Variants in PCDHA8 observed in about 807,000 individuals in gnomAD.
PCDHA8 encodes protocadherin alpha-8.
PCDHA8 carries 53 observed loss-of-function variants against 61.8 expected under a neutral mutation model. The observed-to-expected ratio is 0.86, with a 90% CI of 0.69 to 1.08. The LOEUF is 1.08. Ranked by LOEUF, PCDHA8 falls within the 50% of genes least tolerant of loss-of-function variation. PCDHA8 has a pLI of 0.00. For synonymous variants in PCDHA8, 618 were observed against 556.6 expected (o/e 1.11, Z -1.55); for missense variants, 1,293 against 1,245.0 (o/e 1.04, Z -0.58).
chr5:140,966,402 G>A (rs1554228257), intron 1 of PCDHA8: 4 of 404,514 alleles, frequency 9.9e-6, no homozygotes, highest in African/African-American at 8.2e-5. Context: ...ACTTCGGCGC[G>A]GAATCAGAGC....
At chr5:140,970,327 A>AGCATG (rs2096397524) in intron 1 of PCDHA8, among the ~76,000 whole-genome samples, 1 of 152,204 alleles carries the variant, frequency 6.6e-6, no homozygotes, top group African/African-American at 2.4e-5. Context: ...GTACTTCCAA[A>AGCATG]GCATGCATTC....
chr5:140,889,400 A>T (rs187751360), intron 1 of PCDHA8, among the ~76,000 whole-genome samples: 1 of 152,050 alleles, frequency 6.6e-6, no homozygotes, highest in Admixed American at 6.5e-5. Context: ...AGTTTAATTT[A>T]CTCGAGTCAG....
Position 140,927,111 on chromosome 5 carries a change from C to T in PCDHA8, c.2395-51838C>T. Reference sequence around the variant, plus strand: ...ACTTCGGGGTGGATCTACCCAGCGGCAATTTGGTGGTCAGAGAGCCGGCGG... The same window carrying T: ...ACTTCGGGGTGGATCTACCCAGCGGTAATTTGGTGGTCAGAGAGCCGGCGG... On this transcript the variant is annotated intron_variant, in intron 1 of 3. Transcript: ENST00000531613. The T allele has an allele frequency of 3.7e-6, 6 of 1,613,856 alleles. No individual in the cohort carries two copies. In the Middle Eastern group the frequency reaches 8.3e-4, roughly 222 times the overall value.
At chr5:140,939,537 C>T (rs2092406859) in intron 1 of PCDHA8, among the ~76,000 whole-genome samples, 1 of 150,686 alleles carries the variant, frequency 6.6e-6, no homozygotes, top group Non-Finnish European at 1.5e-5. Context: ...TATACAGAGC[C>T]TCTATTTCTT....
chr5:140,859,774 G>C (rs1214476805), intron 1 of PCDHA8: 1 of 152,534 alleles, frequency 6.6e-6, no homozygotes, highest in Non-Finnish European at 1.5e-5. Flanking sequence ...TCCATGCCCT[G>C]TCTCCAGCTC....
At chr5:140,875,878 A>C (rs782804026) in intron 1 of PCDHA8, 2 of 1,614,212 alleles carry the variant, frequency 1.2e-6, no homozygotes, top group East Asian at 4.5e-5. Context: ...GTTCAGAGAA[A>C]GGGAACAAAA....
chr5:140,843,478 T>C lies in PCDHA8; in HGVS notation c.2157T>C (p.Thr719=). ...SLLVLTLLLY[T]ALRCSALPTE... is the part of the protein sequence containing the mutation. ...TGGTGCTCACGCTGCTGCTGTACAC[T>C]GCGCTGCGGTGCTCAGCACTGCCCA... Residue 719 remains threonine, a synonymous_variant, in exon 1 of 4, where the codon ACT becomes ACC. Transcript: ENST00000531613. The C allele has an allele frequency of 6.3e-7, 1 of 1,595,862 alleles. No homozygotes were observed. The highest frequency in any genetic ancestry group is 8.6e-7 in the Non-Finnish European group (1 of 1,165,544).
chr5:140,929,185 GATA>G (rs1393626283), intron 1 of PCDHA8: 12 of 1,614,168 alleles, frequency 7.4e-6, no homozygotes, highest in Non-Finnish European at 1.0e-5. Flanking sequence ...ACTTGGTTCT[GATA>G]ATAACAGTTT....
chr5:140,993,346 G>A (rs2097551194), intron 3 of PCDHA8, among the ~76,000 whole-genome samples: 2 of 151,820 alleles, frequency 1.3e-5, no homozygotes, highest in Non-Finnish European at 1.5e-5. Context: ...AGGGCACTAC[G>A]AAGATCCTCA....
chr5:140,866,671 G>A (rs2049487363), intron 1 of PCDHA8: 1 of 152,084 alleles, frequency 6.6e-6, no homozygotes, highest in Admixed American at 6.5e-5. Context: ...AGAAATAATA[G>A]CACTAGGTCT....
At chr5:140,928,008 T>C in intron 1 of PCDHA8, 1 of 1,614,158 alleles carries the variant, frequency 6.2e-7, no homozygotes, top group Non-Finnish European at 8.5e-7. Context: ...TCGATTCTAA[T>C]GGTAGGGTCA....
chr5:140,945,409 T>C (rs945280530), intron 1 of PCDHA8, among the ~76,000 whole-genome samples: 4 of 152,116 alleles, frequency 2.6e-5, no homozygotes, highest in African/African-American at 9.7e-5. Flanking sequence ...ACAATTCGTA[T>C]CAAAATTTCA....
intron 3 of PCDHA8, among the ~76,000 whole-genome samples, chr5:140,990,327 A>G (rs2097387817): frequency 1.3e-5 from 2 of 152,174 alleles, no homozygotes; most frequent in African/African-American, 4.8e-5. Flanking sequence ...AACAAACTTT[A>G]AAAATAAGTA....
chr5:140,925,822 T>C (rs1554202964), intron 1 of PCDHA8, among the ~76,000 whole-genome samples: 1 of 152,156 alleles, frequency 6.6e-6, no homozygotes, highest in African/African-American at 2.4e-5. Flanking sequence ...ACGTCTTCTT[T>C]GGGGACGGGT....
At chr5:140,963,159 C>T (rs971538193) in intron 1 of PCDHA8, among the ~76,000 whole-genome samples, 14 of 151,752 alleles carry the variant, frequency 9.2e-5, no homozygotes, top group Non-Finnish European at 1.9e-4. Flanking sequence ...AAAAATGACA[C>T]ATGCCATCTT....
At chr5:141,001,030 G>A (rs1356604139) in intron 3 of PCDHA8, among the ~76,000 whole-genome samples, 1 of 151,894 alleles carries the variant, frequency 6.6e-6, no homozygotes, top group Non-Finnish European at 1.5e-5. Context: ...TATAATAATA[G>A]CTTTAATTAA....
At chr5:140,959,506 A>G (rs1554224114) in intron 1 of PCDHA8, among the ~76,000 whole-genome samples, 6 of 152,226 alleles carry the variant, frequency 3.9e-5, no homozygotes. Flanking sequence ...AAACTAAAAA[A>G]TTTTAAGATC....
At chr5:140,961,604 T>C (rs2095623962) in intron 1 of PCDHA8, among the ~76,000 whole-genome samples, 1 of 152,190 alleles carries the variant, frequency 6.6e-6, no homozygotes, top group Non-Finnish European at 1.5e-5. Context: ...TTCTAGTAAA[T>C]GAAACTAAAG....
intron 1 of PCDHA8, among the ~76,000 whole-genome samples, chr5:140,924,578 T>C (rs80037494): frequency 0.013 from 2,025 of 152,202 alleles, 55 homozygotes; most frequent in Admixed American, 0.052. Flanking sequence ...TTAAATGTTT[T>C]CAAATATTAT....
Sources: allele counts gnomAD v4.1 joint callset (sites outside exome capture counted in the v4.1 genomes callset), GRCh38; gene constraint gnomAD v4.1.1; transcripts MANE v1.5; gene names NCBI Gene and HGNC (gene_info 2026-07-23, HGNC 2026-07-21).